Variants in ZFYVE9 observed in about 807,000 individuals in gnomAD.
ZFYVE9 encodes the protein zinc finger FYVE-type containing 9, also known as zinc finger FYVE domain-containing protein 9.
Under a neutral mutation model 126.7 loss-of-function variants are expected in ZFYVE9, and 43 were observed. That is an observed-to-expected ratio of 0.34 (90% confidence interval 0.27 to 0.44). ZFYVE9 has a LOEUF of 0.44. ZFYVE9 is among the 20% of genes least tolerant of loss of function. The pLI, the probability that ZFYVE9 is intolerant of heterozygous loss-of-function variation, is 1.00. For synonymous variants in ZFYVE9, 521 were observed against 597.4 expected, an observed-to-expected ratio of 0.87 and a Z score of 1.87; for missense variants, 1,476 against 1,697.0, an observed-to-expected ratio of 0.87 and a Z score of 2.29.
In ZFYVE9 at chr1:52,340,146, G is replaced by C; in HGVS notation, c.3854G>C (p.Gly1285Ala). 3 of 1,613,524 alleles carry C rather than the reference G, an allele frequency of 1.9e-6. No individual in the cohort carries two copies. The highest frequency in any genetic ancestry group is 2.5e-6 in the Non-Finnish European group (3 of 1,179,544). ...TTTAGTGTCGTAAGTCCTATAGATG[G>C]GAAGTCCATGGAGACTATAACAAAT... ...VSKGVVSPID[G>A]KSMETITNVK... The change falls in exon 17 of 19, where the codon GGG becomes GCG. Residue 1285 changes from glycine to alanine, a missense_variant. Physicochemically the swap from Gly to Ala is moderately conservative, Grantham distance 60. Coordinates refer to ENST00000287727, the MANE Select transcript of ZFYVE9 (RefSeq NM_004799.4).
intron 10 of ZFYVE9, among the ~76,000 whole-genome samples, chr1:52,286,444 C>A (rs188233393): frequency 4.6e-4 from 70 of 152,218 alleles, no homozygotes; most frequent in African/African-American, 1.6e-3. Flanking sequence ...CATATATATA[C>A]ACACACACTT....
chr1:52,253,946 G>A (rs1645476968), intron 4 of ZFYVE9: 5 of 904,818 alleles, frequency 5.5e-6, no homozygotes, highest in East Asian at 2.4e-5. Context: ...CAAGAAATTC[G>A]GCAACTTGAA....
intron 13 of ZFYVE9, among the ~76,000 whole-genome samples, chr1:52,308,287 C>T (rs1415462825): frequency 6.6e-6 from 1 of 151,808 alleles, no homozygotes; most frequent in East Asian, 1.9e-4. Flanking sequence ...CTCAAGTGAT[C>T]CTCCCACTTC....
In ZFYVE9 at chr1:52,237,794, G is replaced by T; in HGVS notation, c.377G>T (p.Cys126Phe). ...IKRNYSWDDQCSAVEVGEKKC... is the reference protein window; with the variant it reads ...IKRNYSWDDQFSAVEVGEKKC... The stretch of plus-strand genomic sequence containing the variant: ...AGAAACTATAGTTGGGATGATCAAT[G>T]CAGTGCTGTTGAAGTGGGAGAGAAG... The change falls in exon 4 of 19, where the codon TGC becomes TTC. Residue 126 changes from cysteine (C) to phenylalanine (F), a missense_variant. This residue lies in a region of ZFYVE9 where 807 missense variants were observed against 794.6 expected (regional missense o/e 1.02). Coordinates refer to ENST00000287727, the MANE Select transcript of ZFYVE9 (RefSeq NM_004799.4). 1 of 1,614,118 alleles carries T rather than the reference G, an allele frequency of 6.2e-7. No homozygotes were observed. Among genetic ancestry groups the T allele is most frequent in the Non-Finnish European group, 8.5e-7 (1 of 1,179,978 alleles).
intron 15 of ZFYVE9, among the ~76,000 whole-genome samples, chr1:52,336,366 T>G (rs951877926): frequency 8.1e-6 from 1 of 122,898 alleles, no homozygotes; most frequent in Non-Finnish European, 1.7e-5. Context: ...GAGGTTTTTT[T>G]TGTTTTTTTT....
At chr1:52,284,937 A>C (rs1302522107) in intron 10 of ZFYVE9, among the ~76,000 whole-genome samples, 1 of 152,224 alleles carries the variant, frequency 6.6e-6, no homozygotes, top group African/African-American at 2.4e-5. Context: ...TAACATTTCA[A>C]AAGCATAAGT....
chr1:52,246,897 G>A (rs557459140), intron 4 of ZFYVE9, among the ~76,000 whole-genome samples: 2 of 152,030 alleles, frequency 1.3e-5, no homozygotes, highest in East Asian at 1.9e-4. Flanking sequence ...TAGTAGAGAC[G>A]GGGTTTCATC....
chr1:52,332,625 C>A, intron 13 of ZFYVE9, 143 bp from the exon 14 acceptor site: 1 of 970,336 alleles, frequency 1.0e-6, no homozygotes, highest in Non-Finnish European at 1.5e-6. Context: ...CATTTTTTTA[C>A]TTTGTTTCAT....
chr1:52,254,259 T>C (rs1569593283), intron 4 of ZFYVE9: 2 of 235,134 alleles, frequency 8.5e-6, no homozygotes, highest in East Asian at 1.7e-4. Context: ...TTACCTTTAT[T>C]GAAAAAAACA....
chr1:52,186,114 C>T (rs1237105914), intron 1 of ZFYVE9, among the ~76,000 whole-genome samples: 2 of 149,546 alleles, frequency 1.3e-5, no homozygotes, highest in Non-Finnish European at 3.0e-5. Flanking sequence ...GTGGCAGGCA[C>T]CTGTAATCCT....
At chr1:52,329,897 T>A (rs1490754832) in intron 13 of ZFYVE9, among the ~76,000 whole-genome samples, 1 of 151,634 alleles carries the variant, frequency 6.6e-6, no homozygotes, top group East Asian at 2.0e-4. Context: ...AGAGCGAGAC[T>A]GTCTCAAAAA....
At chr1:52,209,865 G>T (rs1282280873) in intron 1 of ZFYVE9, among the ~76,000 whole-genome samples, 3 of 152,170 alleles carry the variant, frequency 2.0e-5, no homozygotes, top group Non-Finnish European at 2.9e-5. Flanking sequence ...AAGGGCAATA[G>T]GATGACATTG....
intron 13 of ZFYVE9, among the ~76,000 whole-genome samples, chr1:52,308,514 A>G (rs567264071): frequency 6.6e-6 from 1 of 152,118 alleles, no homozygotes; most frequent in East Asian, 1.9e-4. Context: ...TTTAATCACA[A>G]TATTCTTCTT....
chr1:52,321,981 G>A (rs1335143054), intron 13 of ZFYVE9, among the ~76,000 whole-genome samples: 1 of 152,086 alleles, frequency 6.6e-6, no homozygotes, highest in African/African-American at 2.4e-5. Flanking sequence ...GTTTGTTTTA[G>A]CCTAAATCTC....
intron 1 of ZFYVE9, among the ~76,000 whole-genome samples, chr1:52,207,590 CCACTGTAAGGGTGTT>C (rs1291764528): frequency 6.6e-6 from 1 of 152,122 alleles, no homozygotes; most frequent in Non-Finnish European, 1.5e-5. Context: ...CTTTTTTCTG[CCACTGTAAGGGTGTT>C]CATATTCAAA....
intron 9 of ZFYVE9, among the ~76,000 whole-genome samples, chr1:52,280,986 T>G (rs958720707): frequency 5.3e-5 from 8 of 152,164 alleles, no homozygotes; most frequent in Admixed American, 4.6e-4. Flanking sequence ...ACTATGTTCT[T>G]CAATCACGTT....
intron 8 of ZFYVE9, 36 bp downstream of exon 8, chr1:52,274,620 A>G (rs376220944): frequency 3.1e-5 from 48 of 1,546,906 alleles, no homozygotes; most frequent in Admixed American, 5.2e-5. Context: ...TGATAGTTCT[A>G]TCTGCCAAAT....
At chr1:52,192,065 C>G (rs1644821048) in intron 1 of ZFYVE9, among the ~76,000 whole-genome samples, 1 of 149,730 alleles carries the variant, frequency 6.7e-6, no homozygotes, top group Admixed American at 6.7e-5. Context: ...ACCTGAAACA[C>G]AGTGAATTTA....
At chr1:52,214,504 C>T (rs897339169) in intron 1 of ZFYVE9, among the ~76,000 whole-genome samples, 2 of 152,002 alleles carry the variant, frequency 1.3e-5, no homozygotes, top group Admixed American at 1.3e-4. Flanking sequence ...TTTCCACCAG[C>T]CAGATTTCAG....
Sources: allele counts gnomAD v4.1 joint callset (sites outside exome capture counted in the v4.1 genomes callset), GRCh38; gene constraint gnomAD v4.1.1; regional missense constraint gnomAD v4.1.1; transcripts MANE v1.5; gene names NCBI Gene and HGNC (gene_info 2026-07-23, HGNC 2026-07-21).